Variants in LRMDA observed in about 807,000 individuals in gnomAD.
LRMDA encodes leucine rich melanocyte differentiation associated, also known as leucine-rich melanocyte differentiation-associated protein.
Under a neutral mutation model 29.8 loss-of-function variants are expected in LRMDA, and 18 were observed. That is an observed-to-expected ratio of 0.60 (90% CI 0.42 to 0.90). LRMDA has a LOEUF of 0.90. LRMDA is among the 40% of genes least tolerant of loss of function. The pLI is 0.00. For missense variants in LRMDA, 273 were observed against 273.9 expected, an observed-to-expected ratio of 1.00 and a Z score of 0.02; for synonymous variants, 125 against 109.4, an observed-to-expected ratio of 1.14 and a Z score of -0.89.
intron 5 of LRMDA, among the ~76,000 whole-genome samples, chr10:76,279,753 G>C (rs1840180222): frequency 6.6e-6 from 1 of 151,986 alleles, no homozygotes; most frequent in Non-Finnish European, 1.5e-5. Flanking sequence ...CACCATGTTG[G>C]CCAGTCTGGT....
intron 2 of LRMDA, among the ~76,000 whole-genome samples, chr10:76,000,433 A>G (rs368024304): frequency 6.6e-6 from 1 of 152,168 alleles, no homozygotes; most frequent in Non-Finnish European, 1.5e-5. Flanking sequence ...GACTCCATGC[A>G]CCTGTCTTAG....
At chr10:75,800,090 T>A (rs1843722476) in intron 2 of LRMDA, among the ~76,000 whole-genome samples, 2 of 152,200 alleles carry the variant, frequency 1.3e-5, no homozygotes. Context: ...CATTTCCATT[T>A]GCTGTTAAGA....
At chr10:76,104,950 C>T (rs142783382) in intron 5 of LRMDA, among the ~76,000 whole-genome samples, 141 of 152,270 alleles carry the variant, frequency 9.3e-4, no homozygotes, top group African/African-American at 2.9e-3. Flanking sequence ...CTGCTCCAGG[C>T]CTTTGCTCTA....
Position 76,558,693 on chromosome 10 carries a change from A to C in LRMDA, c.*1405A>C, listed in dbSNP as rs1189153151. ...AGATACTGAGGGACTAGGAGCTGCTATTGTAAAACTATGGGGACTCAGAAT... is the reference window on the plus strand; with the variant it reads ...AGATACTGAGGGACTAGGAGCTGCTCTTGTAAAACTATGGGGACTCAGAAT... On this transcript the variant is annotated 3_prime_UTR_variant, in exon 7 of 7. Transcript: ENST00000611255. 6.6e-6 allele frequency: 1 copy of C among 152,190 alleles called. No homozygotes were observed. Among genetic ancestry groups the C allele is most frequent in the Non-Finnish European group, 1.5e-5 (1 of 68,044 alleles). 9.4% of individuals were successfully genotyped at this position (152,190 alleles called of 1,614,324 possible). A position where few individuals can be genotyped will look rare whatever the true frequency, so the allele number is the denominator to read the frequency against.
At chr10:75,798,475 A>G (rs1843692881) in intron 2 of LRMDA, among the ~76,000 whole-genome samples, 1 of 151,866 alleles carries the variant, frequency 6.6e-6, no homozygotes, top group Non-Finnish European at 1.5e-5. Context: ...AATTTTCTCT[A>G]TTGTTAGTCC....
At chr10:75,995,959 T>G (rs530586425) in intron 2 of LRMDA, among the ~76,000 whole-genome samples, 1 of 152,258 alleles carries the variant, frequency 6.6e-6, no homozygotes, top group Middle Eastern at 3.4e-3. Context: ...AAGTTTTAGA[T>G]CCATAACTGA....
intron 6 of LRMDA, among the ~76,000 whole-genome samples, chr10:76,523,278 A>G (rs1391924602): frequency 4.6e-5 from 7 of 151,876 alleles, no homozygotes; most frequent in Non-Finnish European, 1.0e-4. Flanking sequence ...CCCTCCCCAA[A>G]GTGGCTTGTG....
At chr10:75,521,846 T>C (rs990869070) in intron 2 of LRMDA, among the ~76,000 whole-genome samples, 3 of 152,234 alleles carry the variant, frequency 2.0e-5, no homozygotes, top group East Asian at 3.8e-4. Flanking sequence ...TCCATTAATG[T>C]TATGTTATAT....
intron 5 of LRMDA, among the ~76,000 whole-genome samples, chr10:76,119,323 C>T (rs945854913): frequency 6.6e-6 from 1 of 151,998 alleles, no homozygotes; most frequent in African/African-American, 2.4e-5. Flanking sequence ...GCATAGATTG[C>T]TTCTGCTGCT....
chr10:76,332,929 CA>C (rs1224337607), intron 6 of LRMDA, among the ~76,000 whole-genome samples: 2 of 152,038 alleles, frequency 1.3e-5, no homozygotes, highest in Non-Finnish European at 2.9e-5. Flanking sequence ...TAATACCAAC[CA>C]AACAATATAT....
At chr10:75,892,050 T>A (rs1458162372) in intron 2 of LRMDA, among the ~76,000 whole-genome samples, 1 of 152,190 alleles carries the variant, frequency 6.6e-6, no homozygotes, top group Admixed American at 6.5e-5. Flanking sequence ...CCCCACCAGA[T>A]ACATGTAGGG....
At chr10:76,125,827 C>T (rs916918383) in intron 5 of LRMDA, among the ~76,000 whole-genome samples, 2 of 152,216 alleles carry the variant, frequency 1.3e-5, no homozygotes, top group Non-Finnish European at 2.9e-5. Context: ...ACTCACAGAG[C>T]ATAAACCCAG....
At chr10:76,321,348 A>G (rs796715716) in intron 5 of LRMDA, among the ~76,000 whole-genome samples, 5 of 152,314 alleles carry the variant, frequency 3.3e-5, no homozygotes, top group African/African-American at 1.2e-4. Flanking sequence ...AGTACCTGCT[A>G]TTGTGAGACT....
At chr10:76,127,932 C>T (rs1228292225) in intron 5 of LRMDA, among the ~76,000 whole-genome samples, 1 of 151,938 alleles carries the variant, frequency 6.6e-6, no homozygotes, top group African/African-American at 2.4e-5. Flanking sequence ...AAAATGTTTA[C>T]ATATGAATGT....
chr10:75,541,652 T>C (rs1013983298), intron 2 of LRMDA, among the ~76,000 whole-genome samples: 1 of 152,172 alleles, frequency 6.6e-6, no homozygotes, highest in African/African-American at 2.4e-5. Context: ...GGTGAAAAGT[T>C]TGACCTCAGC....
At position 76,452,717 on chromosome 10, in the gene LRMDA, G is replaced by T. The variant is rs1842418732; in HGVS notation, c.602-104492G>T. On this transcript the variant is annotated intron_variant, in intron 6 of 6. Coordinates refer to ENST00000611255, the MANE Select transcript of LRMDA (RefSeq NM_001305581.2). ...AGTGTTATTGGAAGGCCCTGGGGGA[G>T]GATGGTTTAAAAAGTTAAGTAACCT... Among the ~76,000 whole-genome samples, 3 of 152,146 alleles carry T rather than the reference G, an allele frequency of 2.0e-5. No individual in the cohort carries two copies. The South Asian group carries it at 6.2e-4, about 31-fold the overall frequency.
chr10:75,466,078 T>A (rs1844646770), intron 2 of LRMDA, among the ~76,000 whole-genome samples: 1 of 152,196 alleles, frequency 6.6e-6, no homozygotes, highest in African/African-American at 2.4e-5. Context: ...CAGATTAAAG[T>A]GAGTGAAAAT....
At chr10:76,234,677 G>A (rs546204444) in intron 5 of LRMDA, among the ~76,000 whole-genome samples, 1 of 152,198 alleles carries the variant, frequency 6.6e-6, no homozygotes, top group Non-Finnish European at 1.5e-5. Flanking sequence ...AGCACTTGTT[G>A]CTTCACCTTG....
At chr10:76,481,830 T>G (rs1355968119) in intron 6 of LRMDA, among the ~76,000 whole-genome samples, 1 of 151,964 alleles carries the variant, frequency 6.6e-6, no homozygotes, top group African/African-American at 2.4e-5. Flanking sequence ...CCATCCTTAC[T>G]TCTTATTGCA....
Sources: gnomAD v4.1 joint callset for allele counts (sites outside exome capture counted in the v4.1 genomes callset) on GRCh38, gnomAD v4.1.1 for gene constraint, MANE v1.5 for transcripts, NCBI Gene and HGNC (gene_info 2026-07-23, HGNC 2026-07-21) for gene names.